The following GLB1 variants were observed in gnomAD, a reference collection of about 807,000 sequenced individuals.
GLB1 encodes beta-galactosidase.
A neutral mutation model predicts 74.0 loss-of-function variants in GLB1; 56 were observed. The observed-to-expected ratio is 0.76, with a 90% CI of 0.61 to 0.94. GLB1 has a LOEUF of 0.94. GLB1 is among the 40% of genes least tolerant of loss of function. The probability of loss-of-function intolerance (pLI) is 0.00; values close to 1 mark genes in which losing one functional copy is unlikely to be tolerated. For missense variants in GLB1, 787 were observed against 845.5 expected, an observed-to-expected ratio of 0.93 and a Z score of 0.86; for synonymous variants, 323 against 323.6, an observed-to-expected ratio of 1.00 and a Z score of 0.02.
At position 33,068,176 on chromosome 3, in the gene GLB1, C is replaced by T. The variant is rs926751360; in HGVS notation, c.457+54G>A. The stretch of plus-strand genomic sequence containing the variant: ...TGTCAGGATTACAGGCGTGAGCCAC[C>T]GCACCTAGGCTGAAGCTTTTATAAA... On this transcript the variant is annotated intron_variant, in intron 4 of 15. Coordinates refer to ENST00000307363, the MANE Select transcript of GLB1 (RefSeq NM_000404.4). The T allele has an allele frequency of 6.6e-5, 107 of 1,612,224 alleles. 1 individual carries two copies. In the Middle Eastern group the frequency reaches 1.3e-3, roughly 20 times the overall value.
chr3:33,071,396 A>C (rs1266730446), intron 2 of GLB1, among the ~76,000 whole-genome samples: 3 of 152,246 alleles, frequency 2.0e-5, no homozygotes, highest in South Asian at 2.1e-4. Context: ...TGCAAGAGCC[A>C]GAGCAGCCAG....
the GLB1 span, among the ~76,000 whole-genome samples, chr3:32,990,835 G>A: frequency 4.2e-3 from 641 of 152,202 alleles, 3 homozygotes; most frequent in Middle Eastern, 0.017. Flanking sequence ...TTAGCTGGGC[G>A]TGGTGGCGGG....
chr3:33,067,161 C>T (rs1699718864), intron 4 of GLB1, among the ~76,000 whole-genome samples: 1 of 152,040 alleles, frequency 6.6e-6, no homozygotes, highest in African/African-American at 2.4e-5. Flanking sequence ...CACCACCACA[C>T]CCAGCTAATT....
At chr3:33,077,107 C>A in intron 1 of GLB1, 1 of 1,414,128 alleles carries the variant, frequency 7.1e-7, no homozygotes, top group Non-Finnish European at 9.4e-7. Context: ...CTGCTGCCGC[C>A]TCCTTCTTCT....
chr3:33,007,295 C>T (rs1696829259), intron 15 of GLB1, among the ~76,000 whole-genome samples: 1 of 152,164 alleles, frequency 6.6e-6, no homozygotes, highest in Admixed American at 6.6e-5. Context: ...CAACCATTAC[C>T]AAAGTCAATT....
chr3:33,008,750 A>T (rs1282733015), intron 15 of GLB1, among the ~76,000 whole-genome samples: 1 of 152,170 alleles, frequency 6.6e-6, no homozygotes, highest in African/African-American at 2.4e-5. Flanking sequence ...GATCCATTCT[A>T]CATGGAGGAG....
At chr3:32,998,410 A>T (rs1696403092) in intron 15 of GLB1, among the ~76,000 whole-genome samples, 1 of 152,050 alleles carries the variant, frequency 6.6e-6, no homozygotes, top group Non-Finnish European at 1.5e-5. Context: ...CAGGAGGCTG[A>T]GGCAAGAGAA....
chr3:33,064,313 G>A (rs190095068), intron 5 of GLB1, among the ~76,000 whole-genome samples: 15 of 151,542 alleles, frequency 9.9e-5, no homozygotes, highest in African/African-American at 1.7e-4. Context: ...CGTGGTGCAC[G>A]CCTGTAATGC....
At position 33,015,237 on chromosome 3, in the gene GLB1, C is replaced by T. The variant is rs991404159; in HGVS notation, c.1480-927G>A. Among the ~76,000 whole-genome samples the T allele has an allele frequency of 1.8e-4, 27 of 152,130 alleles. 1 individual carries two copies. The highest frequency in any genetic ancestry group is 4.6e-4 in the African/African-American group (19 of 41,428). On this transcript the variant is annotated intron_variant, in intron 14 of 15. Transcript: ENST00000307363. ...CCCACTGCGGATGGAGCAGGTACGA[C>T]GGATGCAGCCAGGAGCAAATATTGG...
chr3:33,024,947 CTT>C (rs34388197), intron 10 of GLB1, among the ~76,000 whole-genome samples: 45 of 144,278 alleles, frequency 3.1e-4, no homozygotes, highest in South Asian at 4.4e-4. Flanking sequence ...TACAAATCCT[CTT>C]TTTTTTTTTT....
intron 15 of GLB1, among the ~76,000 whole-genome samples, chr3:33,010,845 TTTTTG>T (rs1696989539): frequency 1.3e-5 from 2 of 152,214 alleles, no homozygotes; most frequent in African/African-American, 2.4e-5. Flanking sequence ...CAGCATACTT[TTTTTG>T]TTTGTTTGTT....
At chr3:33,013,599 G>A (rs1697114223) in intron 15 of GLB1, among the ~76,000 whole-genome samples, 1 of 152,160 alleles carries the variant, frequency 6.6e-6, no homozygotes, top group Non-Finnish European at 1.5e-5. Flanking sequence ...AAATGGATGA[G>A]GAAGAGTGGA....
At chr3:33,052,147 T>C (rs1699021507) in intron 7 of GLB1, 143 bp from the exon 8 acceptor site, 2 of 1,419,424 alleles carry the variant, frequency 1.4e-6, no homozygotes, top group South Asian at 2.5e-5. Context: ...CGCCCCCCAG[T>C]GAGCACTTCC....
In GLB1 at chr3:33,093,202, C is replaced by A. The variant is rs751743888; in HGVS notation, c.75+3809G>T. 1 of 1,613,876 alleles carries A rather than the reference C, an allele frequency of 6.2e-7. No individual in the cohort carries two copies. The highest frequency in any genetic ancestry group is 2.2e-5 in the East Asian group (1 of 44,874). Reference sequence around the variant, plus strand: ...TCTGCTTCAATATCGTCCACCCCAGCCAAGCAGATCCAGTCCTCATCCTCA... The same window carrying A: ...TCTGCTTCAATATCGTCCACCCCAGACAAGCAGATCCAGTCCTCATCCTCA... On this transcript the variant is annotated intron_variant, in intron 1 of 15. Coordinates refer to ENST00000307363, the MANE Select transcript of GLB1 (RefSeq NM_000404.4). The surrounding 1 kb of genome is among the most constrained non-coding windows in gnomAD (Gnocchi z 6.0).
At chr3:32,982,262 G>A in the GLB1 span, among the ~76,000 whole-genome samples, 4 of 148,294 alleles carry the variant, frequency 2.7e-5, no homozygotes, top group Non-Finnish European at 5.9e-5. Flanking sequence ...GTGGTGAGCC[G>A]AGATGGGACC....
chr3:32,987,960 G>C, the GLB1 span, among the ~76,000 whole-genome samples: 1 of 152,078 alleles, frequency 6.6e-6, no homozygotes, highest in South Asian at 2.1e-4. Flanking sequence ...TGAGGCAGGT[G>C]AATCATTTGA....
the GLB1 span, among the ~76,000 whole-genome samples, chr3:32,976,115 C>T: frequency 1.3e-5 from 2 of 152,168 alleles, no homozygotes; most frequent in African/African-American, 4.8e-5. Context: ...TTGCTGATGT[C>T]AGCTCCTCCC....
At position 33,055,460 on chromosome 3, in the gene GLB1, CTT is replaced by C. The variant is rs55687940; in HGVS notation, c.734-1913_734-1912del. On this transcript the variant is annotated intron_variant, in intron 6 of 15. Transcript: ENST00000307363. ...GTGGTTTTTGTCATGGTTTTCTTTTCTTTTTTTTTTTTTTTTTTGAGATGGAG... is the reference window on the plus strand; with the variant it reads ...GTGGTTTTTGTCATGGTTTTCTTTTCTTTTTTTTTTTTTTTTGAGATGGAG... Among the ~76,000 whole-genome samples the C allele has an allele frequency of 8.9e-3, 905 of 102,248 alleles. 15 individuals are homozygous for C. Among genetic ancestry groups the C allele is most frequent in the African/African-American group, 0.026 (745 of 28,134 alleles). The allele number at this position is 102,248 out of a possible 152,430, so 67.1% of individuals were successfully genotyped here.
chr3:33,065,591 C>T (rs375244777), intron 4 of GLB1, 34 bp from the exon 5 acceptor site: 3 of 1,552,158 alleles, frequency 1.9e-6, no homozygotes, highest in African/African-American at 2.7e-5. Context: ...ACAAGCTTGT[C>T]CAACCCCAGC....
Sources: gnomAD v4.1 joint callset for allele counts (sites outside exome capture counted in the v4.1 genomes callset) on GRCh38, gnomAD v4.1.1 for gene constraint, Gnocchi (gnomAD v3.1) non-coding constraint, MANE v1.5 for transcripts, NCBI Gene and HGNC (gene_info 2026-07-23, HGNC 2026-07-21) for gene names.